The following CDK17 variants were observed in gnomAD, a reference collection of about 807,000 sequenced individuals.
CDK17 encodes cyclin-dependent kinase 17.
Under a neutral mutation model 77.6 loss-of-function variants are expected in CDK17, and 24 were observed. That is an observed-to-expected ratio of 0.31 (90% CI 0.22 to 0.44). The LOEUF (loss-of-function observed/expected upper bound fraction) is 0.44, where lower values mean the gene tolerates loss of function less well. Among genes scored for constraint, CDK17 ranks in the 20% least tolerant of loss-of-function variants. The probability of loss-of-function intolerance (pLI) is 1.00; values close to 1 mark genes in which losing one functional copy is unlikely to be tolerated. For missense variants in CDK17, 429 were observed against 622.5 expected, an observed-to-expected ratio of 0.69 and a Z score of 3.31; for synonymous variants, 203 against 210.4, an observed-to-expected ratio of 0.96 and a Z score of 0.30.
chr12:96,368,103 A>AG (rs1195484079), intron 1 of CDK17, among the ~76,000 whole-genome samples: 1 of 152,050 alleles, frequency 6.6e-6, no homozygotes, highest in Non-Finnish European at 1.5e-5. Flanking sequence ...AAAGTTCAAT[A>AG]GGAAAAAAAA....
chr12:96,391,413 C>G (rs971876436), intron 1 of CDK17, among the ~76,000 whole-genome samples: 4 of 151,898 alleles, frequency 2.6e-5, no homozygotes, highest in Non-Finnish European at 5.9e-5. Flanking sequence ...CCTCAGCCTC[C>G]CAGGTAGCTG....
intron 1 of CDK17, among the ~76,000 whole-genome samples, chr12:96,387,990 C>T (rs950687926): frequency 6.6e-6 from 1 of 151,806 alleles, no homozygotes; most frequent in Non-Finnish European, 1.5e-5. Flanking sequence ...AAACAATCAG[C>T]CAGGTGTGGC....
At chr12:96,294,862 A>G (rs1318431213) in intron 10 of CDK17, 137 bp downstream of exon 10, 1 of 680,344 alleles carries the variant, frequency 1.5e-6, no homozygotes, top group Non-Finnish European at 2.4e-6. Context: ...AGTTCTGTCA[A>G]ATATCTTATT....
chr12:96,383,937 T>C (rs1953927517), intron 1 of CDK17, among the ~76,000 whole-genome samples: 1 of 152,134 alleles, frequency 6.6e-6, no homozygotes, highest in African/African-American at 2.4e-5. Flanking sequence ...AAAGAGCTTC[T>C]GCATGGCAAA....
chr12:96,289,193 C>T lies in CDK17; in HGVS notation c.1092G>A (p.Ser364=), dbSNP rs1486082292. Residue 364 remains serine (S), a synonymous_variant, in exon 11 of 17, where the codon TCG becomes TCA. Coordinates refer to ENST00000261211, the MANE Select transcript of CDK17 (RefSeq NM_002595.5). ...ACATGTCAATCTGTGTTGAGTACTC[C>T]GAGGAACCAAGAAGCACATCAGGTG... ...YRPPDVLLGS[S]EYSTQIDMWG... is the part of the protein sequence containing the mutation. 6.8e-6 allele frequency: 11 copies of T among 1,613,804 alleles called. No homozygotes were observed. The South Asian group carries it at 1.1e-4, about 16-fold the overall frequency.
rs191812393 is a variant in CDK17 at position 96,279,429 on chromosome 12, G to A, written c.*813C>T. The A allele has an allele frequency of 9.9e-5, 15 of 152,232 alleles. No homozygotes were observed. The East Asian group carries it at 1.7e-3, about 18-fold the overall frequency. 9.4% of individuals were successfully genotyped at this position (152,232 alleles called of 1,614,324 possible). A position where few individuals can be genotyped will look rare whatever the true frequency, so the allele number is the denominator to read the frequency against. On this transcript the variant is annotated 3_prime_UTR_variant, in exon 17 of 17. Coordinates refer to ENST00000261211, the MANE Select transcript of CDK17 (RefSeq NM_002595.5). ...CTTTCGCGTTTGAACAGACTTCTAC[G>A]GTTAAGTTTTAACTAAATTTAAAAC... is the stretch of plus-strand genomic sequence containing the variant.
At chr12:96,287,101 T>A (rs1419803021) in intron 11 of CDK17, among the ~76,000 whole-genome samples, 1 of 152,146 alleles carries the variant, frequency 6.6e-6, no homozygotes, top group African/African-American at 2.4e-5. Flanking sequence ...GTATTAGCAA[T>A]AGTGTAGACC....
At chr12:96,328,128 T>C (rs1341172175) in intron 2 of CDK17, among the ~76,000 whole-genome samples, 2 of 152,110 alleles carry the variant, frequency 1.3e-5, no homozygotes, top group African/African-American at 2.4e-5. Flanking sequence ...CTGATTCTCA[T>C]AGGAGTACTA....
At chr12:96,316,712 G>A (rs10860015) in intron 3 of CDK17, among the ~76,000 whole-genome samples, 5,061 of 96,516 alleles carry the variant, frequency 0.052, 350 homozygotes, top group East Asian at 0.12. Context: ...CACCTCACAC[G>A]GCAGGGTATT....
intron 1 of CDK17, among the ~76,000 whole-genome samples, chr12:96,375,661 C>T (rs1953767981): frequency 1.3e-5 from 2 of 152,002 alleles, no homozygotes; most frequent in South Asian, 2.1e-4. Flanking sequence ...TCTCCTGCCT[C>T]AGCCTCCTGA....
chr12:96,290,988 T>C (rs554879715), intron 10 of CDK17, among the ~76,000 whole-genome samples: 60 of 152,300 alleles, frequency 3.9e-4, no homozygotes, highest in African/African-American at 1.3e-3. Context: ...TCTATATCAC[T>C]AGTTCCTAGA....
intron 4 of CDK17, 36 bp downstream of exon 4, chr12:96,313,285 T>C (rs201812662): frequency 4.7e-5 from 71 of 1,526,070 alleles, no homozygotes; most frequent in Non-Finnish European, 5.4e-5. Flanking sequence ...CCAACACACA[T>C]ATTCACAAGT....
intron 1 of CDK17, among the ~76,000 whole-genome samples, chr12:96,361,473 T>C (rs979946161): frequency 6.6e-5 from 10 of 152,210 alleles, no homozygotes; most frequent in Non-Finnish European, 1.3e-4. Context: ...GCAGTTTCAA[T>C]GGGTAAGTCT....
In CDK17 at chr12:96,324,076, T is replaced by C; in HGVS notation, c.155A>G (p.His52Arg). The change falls in exon 3 of 17, where the codon CAC (histidine) becomes CGC (arginine). Residue 52 changes from histidine (H) to arginine (R), a missense_variant. Physicochemically the swap from His to Arg is conservative, Grantham distance 29. Transcript: ENST00000261211. ...CTGGTGGAGGAAGGAATGCATACTGTGAGACGTTGGAGGCCTGCCATTCTT... is the reference window on the plus strand; with the variant it reads ...CTGGTGGAGGAAGGAATGCATACTGCGAGACGTTGGAGGCCTGCCATTCTT... ...IVKNGRPPTSHSMHSFLHQYT... is the reference protein window; with the variant it reads ...IVKNGRPPTSRSMHSFLHQYT... The C allele has an allele frequency of 6.2e-7, 1 of 1,608,410 alleles. No individual in the cohort carries two copies. The highest frequency in any genetic ancestry group is 8.5e-7 in the Non-Finnish European group (1 of 1,177,176).
In CDK17 at chr12:96,362,077, T is replaced by C. The variant is rs1251794560; in HGVS notation, c.-29-27212A>G. Among the ~76,000 whole-genome samples, 5 of 152,328 alleles carry C rather than the reference T, an allele frequency of 3.3e-5. No individual in the cohort carries two copies. In the East Asian group the frequency reaches 5.8e-4, roughly 18 times the overall value. On this transcript the variant is annotated intron_variant, in intron 1 of 16. Transcript: ENST00000261211. ...AACAGGCCACATTTCACCAAATCTA[T>C]AGAATATAGCATTACTGAATAAACG...
At chr12:96,395,591 C>T (rs192678073) in intron 1 of CDK17, among the ~76,000 whole-genome samples, 8 of 152,246 alleles carry the variant, frequency 5.3e-5, no homozygotes, top group Admixed American at 4.6e-4. Context: ...AAATAATTAA[C>T]GTTAATTTCT....
intron 1 of CDK17, among the ~76,000 whole-genome samples, chr12:96,344,717 G>A (rs183670047): frequency 1.6e-3 from 249 of 152,286 alleles, no homozygotes; most frequent in African/African-American, 5.6e-3. Flanking sequence ...ATGAAAGGAC[G>A]TAAGACATAA....
At position 96,280,166 on chromosome 12, in the gene CDK17, A is replaced by T. The variant is rs1952156964; in HGVS notation, c.*76T>A. Reference sequence around the variant, plus strand: ...ACGGAGATTCCAAGTCCACCAAAAGAAATAATTGCCTTCAGTTCTGAGTCC... The same window carrying T: ...ACGGAGATTCCAAGTCCACCAAAAGTAATAATTGCCTTCAGTTCTGAGTCC... On this transcript the variant is annotated 3_prime_UTR_variant, in exon 17 of 17. Transcript: ENST00000261211. The T allele has an allele frequency of 1.8e-5, 26 of 1,448,204 alleles. No individual in the cohort carries two copies. In the South Asian group the frequency reaches 3.0e-4, roughly 17 times the overall value. 89.7% of individuals were successfully genotyped at this position (1,448,204 alleles called of 1,614,324 possible).
At chr12:96,294,911 G>A in intron 10 of CDK17, 88 bp downstream of exon 10, 1 of 1,118,612 alleles carries the variant, frequency 8.9e-7, no homozygotes, top group Non-Finnish European at 1.2e-6. Flanking sequence ...CCACATAAAA[G>A]CAATGGCACA....
Sources: gnomAD v4.1 joint callset for allele counts (sites outside exome capture counted in the v4.1 genomes callset) on GRCh38, gnomAD v4.1.1 for gene constraint, MANE v1.5 for transcripts, NCBI Gene and HGNC (gene_info 2026-07-23, HGNC 2026-07-21) for gene names.